Variants in ESCO1 observed in about 807,000 individuals in gnomAD.
ESCO1 encodes the protein establishment of sister chromatid cohesion N-acetyltransferase 1.
In ESCO1, 33 loss-of-function variants were observed where a neutral mutation model predicts 83.5. The ratio of observed to expected loss-of-function variants is 0.40; its 90% CI spans 0.30 to 0.53. The LOEUF (loss-of-function observed/expected upper bound fraction) is 0.53, where lower values mean the gene tolerates loss of function less well. Ranked by LOEUF, ESCO1 falls within the 20% of genes least tolerant of loss-of-function variation. ESCO1 has a pLI of 0.63. For synonymous variants in ESCO1, 332 were observed against 324.3 expected (o/e 1.02, Z -0.25); for missense variants, 855 against 968.0 (o/e 0.88, Z 1.55).
intron 9 of ESCO1, among the ~76,000 whole-genome samples, chr18:21,537,905 A>T (rs1428726914): frequency 1.3e-5 from 2 of 152,060 alleles, no homozygotes; most frequent in Non-Finnish European, 2.9e-5. Context: ...GGGTCCACTT[A>T]TATGTAGGGC....
At chr18:21,542,788 T>A (rs922547602) in intron 8 of ESCO1, among the ~76,000 whole-genome samples, 1 of 152,254 alleles carries the variant, frequency 6.6e-6, no homozygotes, top group Non-Finnish European at 1.5e-5. Context: ...CAACTACAGT[T>A]AACTGCTAGT....
chr18:21,540,764 G>A, intron 8 of ESCO1: 2 of 1,164,706 alleles, frequency 1.7e-6, no homozygotes, highest in Non-Finnish European at 2.2e-6. Flanking sequence ...CTGAACCAGA[G>A]GTTAAAACTA....
intron 9 of ESCO1, among the ~76,000 whole-genome samples, chr18:21,536,771 C>A (rs2037843511): frequency 6.6e-6 from 1 of 152,056 alleles, no homozygotes; most frequent in Admixed American, 6.6e-5. Flanking sequence ...AACATTAAGA[C>A]TTCCTATTAG....
At chr18:21,579,794 G>GCACACACACA (rs765904584) in intron 2 of ESCO1, among the ~76,000 whole-genome samples, 9 of 37,168 alleles carry the variant, frequency 2.4e-4, no homozygotes, top group East Asian at 2.3e-3. Context: ...ACGCGCGCGC[G>GCACACACACA]CACACACACA....
At position 21,558,695 on chromosome 18, in the gene ESCO1, C is replaced by A. The variant is rs145340732; in HGVS notation, c.1953+2164G>T. On this transcript the variant is annotated intron_variant, in intron 8 of 11. Coordinates refer to ENST00000269214, the MANE Select transcript of ESCO1 (RefSeq NM_052911.3). ...TGAGCCAAGATTGCACCACTGCACT[C>A]CAGCCTGGGTGACACAGCAAGACTC... Among the ~76,000 whole-genome samples the A allele has an allele frequency of 4.8e-5, 7 of 147,028 alleles. No individual in the cohort carries two copies. The East Asian group carries it at 1.2e-3, about 25-fold the overall frequency.
chr18:21,563,076 G>A (rs146182182), intron 7 of ESCO1, among the ~76,000 whole-genome samples: 4 of 151,852 alleles, frequency 2.6e-5, no homozygotes, highest in Non-Finnish European at 4.4e-5. Flanking sequence ...TCTCGGTGTT[G>A]GTCAGGCTGG....
At chr18:21,564,053 C>A in intron 7 of ESCO1, 150 bp downstream of exon 7, 1 of 580,240 alleles carries the variant, frequency 1.7e-6, no homozygotes, top group Non-Finnish European at 3.0e-6. Context: ...CCACCCTCAC[C>A]AGATGCAGAT....
chr18:21,583,362 G>C (rs771765594), intron 2 of ESCO1, among the ~76,000 whole-genome samples: 1 of 151,514 alleles, frequency 6.6e-6, no homozygotes, highest in Non-Finnish European at 1.5e-5. Flanking sequence ...AAAAATTCTA[G>C]GCCAGGCAGG....
At chr18:21,592,737 G>T (rs2038697009) in intron 1 of ESCO1, among the ~76,000 whole-genome samples, 2 of 147,976 alleles carry the variant, frequency 1.4e-5, no homozygotes, top group Admixed American at 1.3e-4. Flanking sequence ...GGGCGGAGGG[G>T]CTCCTCACTT....
In ESCO1 at chr18:21,566,166, T is replaced by A; in HGVS notation, c.1686A>T (p.Thr562=). ...PQQHSILSNQ[T]SKSSDNRETP... ...CTTACCTGTTATCACTGCTTTTAGA[T>A]GTCTGGTTACTGAGAATACTATGCT... Residue 562 remains threonine (T), a synonymous_variant, in exon 6 of 12, where the codon ACA becomes ACT. Transcript: ENST00000269214. 1 of 1,613,414 alleles carries A rather than the reference T, an allele frequency of 6.2e-7. No homozygotes were observed. Among genetic ancestry groups the A allele is most frequent in the Non-Finnish European group, 8.5e-7 (1 of 1,179,668 alleles).
rs779528499 is a variant in ESCO1, at chr18:21,574,413, T to C, written c.431A>G (p.Gln144Arg). Residue 144 changes from glutamine (Q) to arginine (R), a missense_variant, in exon 4 of 12, where the codon CAA becomes CGA. By Grantham distance (43) the Gln-to-Arg change is conservative (BLOSUM62 1). This residue lies in a region of ESCO1 where 726 missense variants were observed against 699.5 expected (regional missense o/e 1.04). Coordinates refer to ENST00000269214, the MANE Select transcript of ESCO1 (RefSeq NM_052911.3). ...CAAACTCTGTTTAACTGCTTGAACT[T>C]GACCCTGAATTTCTCTACTGCGTAA... ...RSLRSREIQG[Q>R]VQAVKQSLPP... 2 of 1,614,156 alleles carry C rather than the reference T, an allele frequency of 1.2e-6. No individual in the cohort carries two copies. The highest frequency in any genetic ancestry group is 1.3e-5 in the African/African-American group (1 of 75,062).
chr18:21,554,927 T>C (rs537716648), intron 8 of ESCO1, among the ~76,000 whole-genome samples: 2 of 149,674 alleles, frequency 1.3e-5, no homozygotes, highest in Non-Finnish European at 3.0e-5. Flanking sequence ...ATAAATAAAA[T>C]AAAATAAAAA....
In ESCO1 at chr18:21,530,413, A is replaced by T; in HGVS notation, c.2453T>A (p.Phe818Tyr). Residue 818 changes from phenylalanine to tyrosine, a missense_variant, in exon 12 of 12, where the codon TTT becomes TAT. Physicochemically the swap from Phe to Tyr is conservative, Grantham distance 22 (BLOSUM62 3). Transcript: ENST00000269214. ...ACCAGTGCCACAGTACTGTGTTGCAAACAGCTTTCCATCAGGAGTGGGATC... is the reference window on the plus strand; with the variant it reads ...ACCAGTGCCACAGTACTGTGTTGCATACAGCTTTCCATCAGGAGTGGGATC... ...FSDPTPDGKL[F>Y]ATQYCGTGQF... The T allele has an allele frequency of 6.2e-7, 1 of 1,610,694 alleles. No homozygotes were observed. The highest frequency in any genetic ancestry group is 8.5e-7 in the Non-Finnish European group (1 of 1,179,324).
At chr18:21,534,415 A>AG (rs2037806049) in intron 10 of ESCO1, among the ~76,000 whole-genome samples, 1 of 152,204 alleles carries the variant, frequency 6.6e-6, no homozygotes, top group Admixed American at 6.5e-5. Flanking sequence ...ACTTAGCTGG[A>AG]AAAAGATAGA....
At position 21,569,673 on chromosome 18, in the gene ESCO1, A is replaced by G. The variant is rs144783434; in HGVS notation, c.1531-1579T>C. On this transcript the variant is annotated intron_variant, in intron 4 of 11. Coordinates refer to ENST00000269214, the MANE Select transcript of ESCO1 (RefSeq NM_052911.3). ...GGCAAGAGAATCACTTGAACCCAAG[A>G]GGCAGAGGTTGCAGTGATCGAGATC... Among the ~76,000 whole-genome samples the G allele has an allele frequency of 2.8e-3, 428 of 152,224 alleles. 1 individual carries two copies. Among genetic ancestry groups the G allele is most frequent in the African/African-American group, 9.4e-3 (389 of 41,550 alleles).
At chr18:21,551,425 C>T (rs1191175207) in intron 8 of ESCO1, among the ~76,000 whole-genome samples, 1 of 151,774 alleles carries the variant, frequency 6.6e-6, no homozygotes, top group Non-Finnish European at 1.5e-5. Flanking sequence ...AGCGAGACTC[C>T]GTCTCAAAAA....
Position 21,566,289 on chromosome 18 carries a change from GA to G in ESCO1, c.1646-84del, listed in dbSNP as rs1057040565. ...AATGGATAAAATCATTATACATAAAGAAAAAAACCTTCAATGCATTAAATGA... is the reference window on the plus strand; with the variant it reads ...AATGGATAAAATCATTATACATAAAGAAAAAACCTTCAATGCATTAAATGA... On this transcript the variant is annotated intron_variant, in intron 5 of 11. Transcript: ENST00000269214. 132 of 1,280,010 alleles carry G rather than the reference GA, an allele frequency of 1.0e-4. No individual in the cohort carries two copies. In the African/African-American group the frequency reaches 1.7e-3, roughly 16 times the overall value. The allele number at this position is 1,280,010 out of a possible 1,614,324, so 79.3% of individuals were successfully genotyped here.
At chr18:21,598,139 A>G (rs1283997150) in intron 1 of ESCO1, among the ~76,000 whole-genome samples, 1 of 152,058 alleles carries the variant, frequency 6.6e-6, no homozygotes, top group Non-Finnish European at 1.5e-5. Flanking sequence ...TATTCCAAGA[A>G]CTCTATGTGG....
At chr18:21,536,772 T>C (rs544424200) in intron 9 of ESCO1, among the ~76,000 whole-genome samples, 1 of 152,226 alleles carries the variant, frequency 6.6e-6, no homozygotes, top group South Asian at 2.1e-4. Context: ...ACATTAAGAC[T>C]TCCTATTAGA....
Sources: allele counts gnomAD v4.1 joint callset (sites outside exome capture counted in the v4.1 genomes callset), GRCh38; gene constraint gnomAD v4.1.1; regional missense constraint gnomAD v4.1.1; transcripts MANE v1.5; gene names NCBI Gene and HGNC (gene_info 2026-07-23, HGNC 2026-07-21).